Variants in VPS13B observed in about 807,000 individuals in gnomAD.
The protein encoded by VPS13B is vacuolar protein sorting 13 homolog B.
Under a neutral mutation model 426.4 loss-of-function variants are expected in VPS13B, and 285 were observed. The ratio of observed to expected loss-of-function variants is 0.67; its 90% CI spans 0.61 to 0.74. The LOEUF is 0.74. Ranked by LOEUF, VPS13B falls within the 30% of genes least tolerant of loss-of-function variation. The pLI, the probability that VPS13B is intolerant of heterozygous loss-of-function variation, is 0.00. For synonymous variants in VPS13B, 1,676 were observed against 1,676.4 expected (o/e 1.00, Z 0.01); for missense variants, 4,537 against 4,782.6 (o/e 0.95, Z 1.51).
chr8:99,818,904 T>C lies in VPS13B; in HGVS notation c.8621+16T>C, dbSNP rs1409353876. 5 of 1,486,528 alleles carry C rather than the reference T, an allele frequency of 3.4e-6. No individual in the cohort carries two copies. The highest frequency in any genetic ancestry group is 4.5e-6 in the Non-Finnish European group (5 of 1,100,640). The allele number at this position is 1,486,528 out of a possible 1,614,324, so 92.1% of individuals were successfully genotyped here. A position where few individuals can be genotyped will look rare whatever the true frequency, so the allele number is the denominator to read the frequency against. ...TCCAAGCAAGGTACTAGAAAAATCC[T>C]TCCATACATTTTACATTTTCCTAGG... On this transcript the variant is annotated intron_variant, in intron 47 of 61. Transcript: ENST00000357162.
rs555108452 is a variant in VPS13B at position 99,828,394 on chromosome 8, G to GTTTTTTTTTTTTTTTTTTTT, written c.9331-3954_9331-3935dup. 6.3e-3 allele frequency among the ~76,000 whole-genome samples: 110 copies of GTTTTTTTTTTTTTTTTTTTT among 17,444 alleles called. 38 individuals carry two copies. The highest frequency in any genetic ancestry group is 8.7e-3 in the African/African-American group (36 of 4,154). The allele number at this position is 17,444 out of a possible 152,430, so 11.4% of individuals were successfully genotyped here. The stretch of plus-strand genomic sequence containing the variant: ...ATCAGAGACTAGGATTACAACCACC[G>GTTTTTTTTTTTTTTTTTTTT]TTTTTTTTTTTTTTTTTTTTTTTTT... On this transcript the variant is annotated intron_variant, in intron 51 of 61. Coordinates refer to ENST00000357162, the MANE Select transcript of VPS13B (RefSeq NM_152564.5).
intron 28 of VPS13B, among the ~76,000 whole-genome samples, chr8:99,508,583 GA>G (rs932746075): frequency 6.6e-6 from 1 of 151,918 alleles, no homozygotes; most frequent in Non-Finnish European, 1.5e-5. Context: ...TTTAGTGCAG[GA>G]AAAAAATGTG....
chr8:99,335,335 G>GT (rs1588263164), intron 19 of VPS13B, among the ~76,000 whole-genome samples: 1 of 152,044 alleles, frequency 6.6e-6, no homozygotes, highest in Non-Finnish European at 1.5e-5. Context: ...TTTTTGAAGG[G>GT]TTTTTTGTGT....
chr8:99,794,491 TTAGTACTCAG>T (rs1483673612), intron 43 of VPS13B, among the ~76,000 whole-genome samples: 5 of 152,224 alleles, frequency 3.3e-5, no homozygotes, highest in African/African-American at 1.2e-4. Context: ...AGTTTCTTAA[TTAGTACTCAG>T]TATTACTCCT....
chr8:99,583,049 T>C (rs1048115666), intron 33 of VPS13B, among the ~76,000 whole-genome samples: 1 of 152,190 alleles, frequency 6.6e-6, no homozygotes, highest in Non-Finnish European at 1.5e-5. Flanking sequence ...GGCTCTACCA[T>C]AATTCCTCGC....
chr8:99,428,381 C>G (rs1816860229), intron 21 of VPS13B, among the ~76,000 whole-genome samples: 2 of 152,172 alleles, frequency 1.3e-5, no homozygotes, highest in Admixed American at 6.5e-5. Context: ...TTTTTGCAAT[C>G]TACCCATCTG....
chr8:99,414,122 A>G (rs1279901415), intron 21 of VPS13B, among the ~76,000 whole-genome samples: 1 of 152,128 alleles, frequency 6.6e-6, no homozygotes, highest in Non-Finnish European at 1.5e-5. Flanking sequence ...TATTGGGTGC[A>G]TATATATTTA....
chr8:99,156,969 A>C (rs1811395632), intron 15 of VPS13B, among the ~76,000 whole-genome samples: 2 of 152,284 alleles, frequency 1.3e-5, no homozygotes, highest in South Asian at 4.1e-4. Context: ...GATATTTATA[A>C]ATGAATGGTT....
At chr8:99,297,542 C>A (rs1012153267) in intron 19 of VPS13B, among the ~76,000 whole-genome samples, 3 of 139,124 alleles carry the variant, frequency 2.2e-5, no homozygotes, top group African/African-American at 8.1e-5. Flanking sequence ...TGTGCTAATT[C>A]TTTTCTTCCT....
At chr8:99,622,297 TC>T (rs1828395165) in intron 33 of VPS13B, among the ~76,000 whole-genome samples, 1 of 152,166 alleles carries the variant, frequency 6.6e-6, no homozygotes, top group Admixed American at 6.5e-5. Context: ...GAGATTACGG[TC>T]CCATAACAGG....
chr8:99,600,577 A>T (rs1827238696), intron 33 of VPS13B, among the ~76,000 whole-genome samples: 1 of 152,204 alleles, frequency 6.6e-6, no homozygotes, highest in African/African-American at 2.4e-5. Context: ...CAGGTGGACT[A>T]GGCAGGGAGA....
chr8:99,284,696 A>G (rs1185398025), intron 19 of VPS13B, among the ~76,000 whole-genome samples: 2 of 149,434 alleles, frequency 1.3e-5, no homozygotes, highest in African/African-American at 2.5e-5. Flanking sequence ...GACTACAGGC[A>G]TGAGCTGCCA....
At chr8:99,723,625 G>T (rs1833216965) in intron 39 of VPS13B, among the ~76,000 whole-genome samples, 1 of 152,052 alleles carries the variant, frequency 6.6e-6, no homozygotes, top group Non-Finnish European at 1.5e-5. Context: ...GAGTATGATG[G>T]ATGACTCTAC....
chr8:99,556,771 C>A, intron 31 of VPS13B, 118 bp downstream of exon 31: 2 of 1,072,340 alleles, frequency 1.9e-6, no homozygotes, highest in Non-Finnish European at 1.4e-6. Context: ...TTCTGCTTTT[C>A]ATTATAAGCA....
intron 3 of VPS13B, among the ~76,000 whole-genome samples, chr8:99,045,654 T>C (rs1335425807): frequency 6.6e-6 from 1 of 152,216 alleles, no homozygotes; most frequent in Non-Finnish European, 1.5e-5. Flanking sequence ...TCTGGTGTTA[T>C]CTTCTAGAAT....
At chr8:99,375,350 C>T (rs1355990952) in intron 19 of VPS13B, among the ~76,000 whole-genome samples, 1 of 152,154 alleles carries the variant, frequency 6.6e-6, no homozygotes, top group Non-Finnish European at 1.5e-5. Context: ...CCCTTAGGAA[C>T]TCTGCTCTGA....
At chr8:99,512,549 C>T (rs1821845974) in intron 29 of VPS13B, among the ~76,000 whole-genome samples, 1 of 152,128 alleles carries the variant, frequency 6.6e-6, no homozygotes, top group Non-Finnish European at 1.5e-5. Flanking sequence ...TTTTCCACAA[C>T]CTTGGAAGAG....
intron 35 of VPS13B, among the ~76,000 whole-genome samples, chr8:99,687,117 G>A (rs1465400497): frequency 6.6e-6 from 1 of 151,992 alleles, no homozygotes; most frequent in Non-Finnish European, 1.5e-5. Context: ...ATCAAGGCAC[G>A]GTTCCCTTCT....
chr8:99,052,449 A>G (rs1284896371), intron 3 of VPS13B, among the ~76,000 whole-genome samples: 6 of 95,038 alleles, frequency 6.3e-5, no homozygotes, highest in African/African-American at 2.4e-4. Flanking sequence ...TTTATTGAGG[A>G]TTTTTGCATA....
Sources: allele counts gnomAD v4.1 joint callset (sites outside exome capture counted in the v4.1 genomes callset), GRCh38; gene constraint gnomAD v4.1.1; transcripts MANE v1.5; gene names NCBI Gene and HGNC (gene_info 2026-07-23, HGNC 2026-07-21).